The following RBL2 variants were observed in gnomAD, a reference collection of about 807,000 sequenced individuals.
RBL2 encodes RB transcriptional corepressor like 2.
Under a neutral mutation model 126.0 loss-of-function variants are expected in RBL2, and 56 were observed. That is an observed-to-expected ratio of 0.44 (90% CI 0.36 to 0.56). The LOEUF (loss-of-function observed/expected upper bound fraction) is 0.56. Ranked by LOEUF, RBL2 falls within the 20% of genes least tolerant of loss-of-function variation. RBL2 has a pLI of 0.00. For missense variants in RBL2, 1,229 were observed against 1,398.2 expected, an observed-to-expected ratio of 0.88 and a Z score of 1.93; for synonymous variants, 454 against 478.5, an observed-to-expected ratio of 0.95 and a Z score of 0.67.
In RBL2 at chr16:53,434,609, C is replaced by T. The variant is rs758347934; in HGVS notation, c.53C>T (p.Ala18Val). The T allele has an allele frequency of 3.4e-5, 53 of 1,549,442 alleles. 1 individual carries two copies. The highest frequency in any genetic ancestry group is 2.1e-4 in the African/African-American group (15 of 71,578). Reference sequence around the variant, plus strand: ...CCGCCCCCGCCTCCCCCTCCGGCGGCGGCAGCCTCGGATGAGGAGGAGGAG... The same window carrying T: ...CCGCCCCCGCCTCCCCCTCCGGCGGTGGCAGCCTCGGATGAGGAGGAGGAG... ...SPPPPPPPPAAAASDEEEEDD... is the reference protein window; with the variant it reads ...SPPPPPPPPAVAASDEEEEDD... The change falls in exon 1 of 22, where the codon GCG becomes GTG. Residue 18 changes from alanine to valine, a missense_variant. Coordinates refer to ENST00000262133, the MANE Select transcript of RBL2 (RefSeq NM_005611.4).
At chr16:53,481,019 C>T (rs551738670) in intron 20 of RBL2, 15 of 324,256 alleles carry the variant, frequency 4.6e-5, no homozygotes, top group East Asian at 1.5e-4. Context: ...ATGAGCTGGG[C>T]GTGGTGGCAC....
Position 53,453,758 on chromosome 16 carries a change from T to C in RBL2, c.981T>C (p.Phe327=). The part of the protein sequence containing the change: ...NLTGFLEPGN[F]GESFKAINKA... ...CTGGGTTTCTAGAACCTGGGAACTT[T>C]GGAGAGAGTTTGTGAGTACTTCTGT... Residue 327 remains phenylalanine (F), a synonymous_variant, in exon 7 of 22, where the codon TTT becomes TTC. Coordinates refer to ENST00000262133, the MANE Select transcript of RBL2 (RefSeq NM_005611.4). 6.2e-7 allele frequency: 1 copy of C among 1,607,444 alleles called. No homozygotes were observed. Among genetic ancestry groups the C allele is most frequent in the Non-Finnish European group, 8.5e-7 (1 of 1,176,366 alleles).
intron 17 of RBL2, among the ~76,000 whole-genome samples, chr16:53,476,478 G>A (rs905739037): frequency 5.3e-5 from 8 of 152,180 alleles, no homozygotes; most frequent in Non-Finnish European, 1.5e-5. Context: ...TGGGGAGAGT[G>A]TTCTGTAGAT....
intron 1 of RBL2, among the ~76,000 whole-genome samples, chr16:53,438,535 A>G (rs750744209): frequency 6.6e-6 from 1 of 152,082 alleles, no homozygotes; most frequent in Non-Finnish European, 1.5e-5. Context: ...AATAATGTTA[A>G]TGTCACATTA....
chr16:53,449,855 G>A (rs2058097740), intron 4 of RBL2, among the ~76,000 whole-genome samples: 2 of 151,348 alleles, frequency 1.3e-5, no homozygotes, highest in South Asian at 4.2e-4. Context: ...GTCAGGATTT[G>A]AAATAGAAAA....
intron 13 of RBL2, among the ~76,000 whole-genome samples, chr16:53,466,264 A>T (rs2058271592): frequency 6.6e-6 from 1 of 151,988 alleles, no homozygotes; most frequent in Non-Finnish European, 1.5e-5. Context: ...TTCCTTACCA[A>T]GTTTCTTTCC....
chr16:53,468,936 G>GTT lies in RBL2; in HGVS notation c.1976-979_1976-978dup, dbSNP rs201725580. On this transcript the variant is annotated intron_variant, in intron 14 of 21. Transcript: ENST00000262133. Reference sequence around the variant, plus strand: ...AAAATGGTTGAATGGTAAATTTTATGTTATATATATAACCACAATTTTAAA... The same window carrying GTT: ...AAAATGGTTGAATGGTAAATTTTATGTTTTATATATATAACCACAATTTTAAA... Among the ~76,000 whole-genome samples the GTT allele has an allele frequency of 7.6e-3, 1,157 of 152,206 alleles. 21 individuals are homozygous for GTT. The highest frequency in any genetic ancestry group is 0.027 in the African/African-American group (1,111 of 41,540).
At chr16:53,461,037 A>G (rs547079613) in intron 9 of RBL2, among the ~76,000 whole-genome samples, 3 of 152,192 alleles carry the variant, frequency 2.0e-5, no homozygotes, top group East Asian at 1.9e-4. Flanking sequence ...CCTTCATTCT[A>G]TTTTCTTCCA....
intron 21 of RBL2, among the ~76,000 whole-genome samples, chr16:53,487,372 T>C (rs955916212): frequency 2.6e-5 from 4 of 151,878 alleles, no homozygotes; most frequent in African/African-American, 9.7e-5. Flanking sequence ...CAGAACAGAG[T>C]CCTGAAATAG....
chr16:53,455,993 A>AC, intron 8 of RBL2, among the ~76,000 whole-genome samples: 1 of 151,980 alleles, frequency 6.6e-6, no homozygotes, highest in African/African-American at 2.4e-5. Context: ...ACAAAGTGAG[A>AC]CCCCGTCTCT....
intron 1 of RBL2, 35 bp downstream of exon 1, chr16:53,434,831 G>T (rs2057940313): frequency 1.4e-6 from 2 of 1,469,200 alleles, no homozygotes; most frequent in Admixed American, 2.2e-5. Context: ...TTCCGGCCTA[G>T]TTGGCGTGAA....
intron 9 of RBL2, among the ~76,000 whole-genome samples, chr16:53,461,010 AGTAT>A (rs1176034763): frequency 6.6e-6 from 1 of 152,178 alleles, no homozygotes; most frequent in East Asian, 1.9e-4. Flanking sequence ...GTGAGTCTGT[AGTAT>A]GGGTTTTACA....
At chr16:53,489,055 T>C (rs1011647859) in intron 21 of RBL2, 10 of 107,658 alleles carry the variant, frequency 9.3e-5, no homozygotes, top group African/African-American at 5.3e-4. Context: ...TTTCTATTGT[T>C]AATTAAAAAA....
chr16:53,462,345 AT>A (rs549334900), intron 10 of RBL2, among the ~76,000 whole-genome samples: 72 of 152,324 alleles, frequency 4.7e-4, no homozygotes, highest in African/African-American at 1.7e-3. Flanking sequence ...TGCAAATTTC[AT>A]TTAATAATTT....
In RBL2 at chr16:53,459,504, G is replaced by T; in HGVS notation, c.1233G>T (p.Glu411Asp). ...TPLTGVRYIK[E>D]NSPCVTPVST... ...TAACTGGTGTTAGGTACATTAAGGA[G>T]AATAGCCCTTGTGTGACTCCAGTTT... The change falls in exon 9 of 22, where the codon GAG (glutamate) becomes GAT (aspartate). Residue 411 changes from glutamate to aspartate, a missense_variant. Around this residue, in one of 2 missense-constraint regions of RBL2, gnomAD observed 1,070 missense variants for 1,274.3 expected, o/e 0.84. Coordinates refer to ENST00000262133, the MANE Select transcript of RBL2 (RefSeq NM_005611.4). 1 of 1,613,272 alleles carries T rather than the reference G, an allele frequency of 6.2e-7. No homozygotes were observed. Among genetic ancestry groups the T allele is most frequent in the Non-Finnish European group, 8.5e-7 (1 of 1,179,746 alleles).
intron 8 of RBL2, among the ~76,000 whole-genome samples, 192 bp from the exon 9 acceptor site, chr16:53,459,259 G>A (rs916006181): frequency 2.0e-5 from 3 of 152,102 alleles, no homozygotes; most frequent in Admixed American, 2.0e-4. Context: ...ATGGATATTG[G>A]CGGCTCTTAA....
intron 12 of RBL2, 108 bp from the exon 13 acceptor site, chr16:53,465,330 C>G (rs200971358): frequency 1.6e-6 from 1 of 641,658 alleles, no homozygotes; most frequent in African/African-American, 1.9e-5. Flanking sequence ...AAAGGAAGAG[C>G]GGCTGTTTCA....
At chr16:53,474,258 T>C (rs60472240) in intron 17 of RBL2, among the ~76,000 whole-genome samples, 2,287 of 152,292 alleles carry the variant, frequency 0.015, 24 homozygotes, top group Middle Eastern at 0.034. Context: ...CCCAATGTGT[T>C]GGGATTATAG....
rs141093535 is a variant in RBL2 at position 53,434,817 on chromosome 16, G to A, written c.240+21G>A. 57 of 1,483,126 alleles carry A rather than the reference G, an allele frequency of 3.8e-5. No homozygotes were observed. In the African/African-American group the frequency reaches 7.9e-4, roughly 20 times the overall value. The allele number at this position is 1,483,126 out of a possible 1,614,324, so 91.9% of individuals were successfully genotyped here. On this transcript the variant is annotated intron_variant, in intron 1 of 21. Transcript: ENST00000262133. ...TGGAGGTGCGCTCGCGGGCGGAGGGGCGCTTCCGGCCTAGTTGGCGTGAAC... is the reference window on the plus strand; with the variant it reads ...TGGAGGTGCGCTCGCGGGCGGAGGGACGCTTCCGGCCTAGTTGGCGTGAAC...
Sources: allele counts gnomAD v4.1 joint callset (sites outside exome capture counted in the v4.1 genomes callset), GRCh38; gene constraint gnomAD v4.1.1; regional missense constraint gnomAD v4.1.1; transcripts MANE v1.5; gene names NCBI Gene and HGNC (gene_info 2026-07-23, HGNC 2026-07-21).